The following PPP1R9A variants were observed in gnomAD, a reference collection of about 807,000 sequenced individuals.
PPP1R9A encodes the protein neurabin-1.
A neutral mutation model predicts 141.9 loss-of-function variants in PPP1R9A; 59 were observed. That is an observed-to-expected ratio of 0.42 (90% CI 0.34 to 0.52). PPP1R9A has a LOEUF of 0.52. PPP1R9A is among the 20% of genes least tolerant of loss of function. PPP1R9A has a pLI of 0.10. For missense variants in PPP1R9A, 1,444 were observed against 1,611.9 expected, an observed-to-expected ratio of 0.90 and a Z score of 1.78; for synonymous variants, 500 against 569.7, an observed-to-expected ratio of 0.88 and a Z score of 1.74.
In PPP1R9A at chr7:95,003,593, A is replaced by C. The variant is rs191951221; in HGVS notation, c.1395+92085A>C. On this transcript the variant is annotated intron_variant, in intron 2 of 19. Coordinates refer to ENST00000433360, the MANE Select transcript of PPP1R9A (RefSeq NM_001166160.2). ...TGCAGAAATAATTTAAAATAGGGAGAGGTAACTTTCAATCCCAAACATAGA... is the reference window on the plus strand; with the variant it reads ...TGCAGAAATAATTTAAAATAGGGAGCGGTAACTTTCAATCCCAAACATAGA... Among the ~76,000 whole-genome samples, 11 of 152,304 alleles carry C rather than the reference A, an allele frequency of 7.2e-5. No homozygotes were observed. The East Asian group carries it at 2.1e-3, about 29-fold the overall frequency.
At chr7:94,983,179 A>G (rs180780430) in intron 2 of PPP1R9A, among the ~76,000 whole-genome samples, 87 of 152,102 alleles carry the variant, frequency 5.7e-4, no homozygotes, top group African/African-American at 2.0e-3. Context: ...GTTCTGTTCT[A>G]TTGGTCTATA....
chr7:95,191,511 A>G (rs1218289828), intron 5 of PPP1R9A, among the ~76,000 whole-genome samples: 1 of 152,110 alleles, frequency 6.6e-6, no homozygotes, highest in Non-Finnish European at 1.5e-5. Context: ...TCTGTAATAT[A>G]TTATTGTTAA....
At chr7:95,203,987 A>C (rs1282095457) in intron 7 of PPP1R9A, among the ~76,000 whole-genome samples, 1 of 152,144 alleles carries the variant, frequency 6.6e-6, no homozygotes, top group African/African-American at 2.4e-5. Flanking sequence ...AACCCCTAAC[A>C]CTTTAAATAT....
chr7:95,233,168 A>G (rs1224502426), intron 8 of PPP1R9A, among the ~76,000 whole-genome samples: 1 of 152,212 alleles, frequency 6.6e-6, no homozygotes, highest in African/African-American at 2.4e-5. Flanking sequence ...GCACATATAC[A>G]CCATGGAATA....
At chr7:95,065,362 G>A (rs1042900474) in intron 2 of PPP1R9A, among the ~76,000 whole-genome samples, 1 of 151,888 alleles carries the variant, frequency 6.6e-6, no homozygotes, top group Non-Finnish European at 1.5e-5. Context: ...ACTGCACCTC[G>A]CCCCAAGTTG....
chr7:95,248,260 A>G (rs1054999668), intron 9 of PPP1R9A, among the ~76,000 whole-genome samples: 1 of 147,620 alleles, frequency 6.8e-6, no homozygotes, highest in Non-Finnish European at 1.5e-5. Context: ...ATTAAAACAT[A>G]ATTACCCTCC....
At chr7:95,221,724 A>G (rs1391921159) in intron 7 of PPP1R9A, among the ~76,000 whole-genome samples, 2 of 152,054 alleles carry the variant, frequency 1.3e-5, no homozygotes, top group Non-Finnish European at 2.9e-5. Context: ...AATATAAAAG[A>G]GGGGAAAACC....
intron 2 of PPP1R9A, among the ~76,000 whole-genome samples, chr7:95,071,970 C>T (rs1813875089): frequency 6.6e-6 from 1 of 151,264 alleles, no homozygotes; most frequent in South Asian, 2.1e-4. Context: ...AAAGAGCAGC[C>T]CATTTTATTA....
intron 17 of PPP1R9A, among the ~76,000 whole-genome samples, chr7:95,285,560 C>G (rs1400103663): frequency 2.6e-5 from 4 of 152,198 alleles, no homozygotes; most frequent in Admixed American, 2.6e-4. Flanking sequence ...CCACCTCCCC[C>G]ACCCCCAGGT....
intron 2 of PPP1R9A, among the ~76,000 whole-genome samples, chr7:94,914,963 A>G (rs1487073600): frequency 2.6e-5 from 4 of 151,822 alleles, no homozygotes; most frequent in Admixed American, 6.6e-5. Flanking sequence ...GGAAGTCACA[A>G]CCTTTCTCTG....
At chr7:95,043,706 A>G (rs536120571) in intron 2 of PPP1R9A, among the ~76,000 whole-genome samples, 6 of 152,180 alleles carry the variant, frequency 3.9e-5, no homozygotes, top group African/African-American at 1.2e-4. Context: ...GCTTTTCTTT[A>G]TCTACTATTG....
chr7:95,111,440 T>C, intron 3 of PPP1R9A, 49 bp downstream of exon 3: 1 of 1,504,228 alleles, frequency 6.6e-7, no homozygotes. Context: ...ATGTTAATAA[T>C]ACAGAATTAT....
At chr7:95,189,613 T>A (rs1272362426) in intron 5 of PPP1R9A, among the ~76,000 whole-genome samples, 1 of 151,424 alleles carries the variant, frequency 6.6e-6, no homozygotes, top group Non-Finnish European at 1.5e-5. Flanking sequence ...ATTTTTTGTA[T>A]TTTTAGTAGA....
intron 5 of PPP1R9A, among the ~76,000 whole-genome samples, chr7:95,181,301 A>G (rs1353267690): frequency 7.0e-6 from 1 of 142,574 alleles, no homozygotes; most frequent in Non-Finnish European, 1.5e-5. Flanking sequence ...TATATAGAAT[A>G]GAGAGAATAT....
intron 2 of PPP1R9A, among the ~76,000 whole-genome samples, chr7:95,032,880 G>A (rs1807879910): frequency 6.6e-6 from 1 of 152,078 alleles, no homozygotes; most frequent in African/African-American, 2.4e-5. Flanking sequence ...CACCTCAGAA[G>A]TCTCTAATTC....
chr7:95,094,879 C>CCAAAAAAA (rs1817824292), intron 2 of PPP1R9A, among the ~76,000 whole-genome samples: 1 of 44,974 alleles, frequency 2.2e-5, no homozygotes, highest in Non-Finnish European at 4.2e-5. Flanking sequence ...GACTGCGTCT[C>CCAAAAAAA]AAAAAAAAAA....
chr7:95,201,202 T>A (rs1026391421), intron 6 of PPP1R9A, among the ~76,000 whole-genome samples: 54 of 151,070 alleles, frequency 3.6e-4, no homozygotes, highest in African/African-American at 1.2e-3. Flanking sequence ...AGTACTCAAA[T>A]TTTTTTTAAT....
At chr7:95,137,805 T>G (rs1825934601) in intron 4 of PPP1R9A, among the ~76,000 whole-genome samples, 1 of 152,116 alleles carries the variant, frequency 6.6e-6, no homozygotes, top group African/African-American at 2.4e-5. Flanking sequence ...CCTTATTTGG[T>G]TTTTCAAGAC....
chr7:95,040,123 T>C (rs1809019572), intron 2 of PPP1R9A, among the ~76,000 whole-genome samples: 1 of 152,160 alleles, frequency 6.6e-6, no homozygotes, highest in Non-Finnish European at 1.5e-5. Context: ...TGACATGTAA[T>C]TGTACCTTCA....
Sources: allele counts gnomAD v4.1 joint callset (sites outside exome capture counted in the v4.1 genomes callset), GRCh38; gene constraint gnomAD v4.1.1; transcripts MANE v1.5; gene names NCBI Gene and HGNC (gene_info 2026-07-23, HGNC 2026-07-21).